Variants in HAPSTR1 observed in about 807,000 individuals in gnomAD.
HAPSTR1 encodes HUWE1-associated protein modifying stress responses 1.
chr16:9,104,551 G>A, the HAPSTR1 span: 2 of 152,208 alleles, frequency 1.3e-5, no homozygotes, highest in African/African-American at 4.8e-5. Flanking sequence ...TAGAGATCTT[G>A]TTCTCTCTGG....
chr16:9,100,994 T>C, the HAPSTR1 span, among the ~76,000 whole-genome samples: 1 of 152,256 alleles, frequency 6.6e-6, no homozygotes, highest in East Asian at 1.9e-4. Flanking sequence ...CAGAAACTTC[T>C]TCATTTACAA....
chr16:9,109,592 C>G, the HAPSTR1 span: 4 of 152,286 alleles, frequency 2.6e-5, no homozygotes, highest in African/African-American at 9.6e-5. Context: ...ATTTCAGACT[C>G]AAAGGCCTCT....
chr16:9,118,321 T>TG, the HAPSTR1 span: 1 of 152,622 alleles, frequency 6.6e-6, no homozygotes, highest in Non-Finnish European at 1.5e-5. Context: ...CCATTGCAAA[T>TG]CAGTGTAAGG....
chr16:9,092,394 GT>G, the HAPSTR1 span: 1 of 882,932 alleles, frequency 1.1e-6, no homozygotes, highest in East Asian at 4.0e-5. Flanking sequence ...ATCCCGGCCG[GT>G]GGCTCCGCGG....
At chr16:9,098,740 G>T in the HAPSTR1 span, among the ~76,000 whole-genome samples, 2 of 152,168 alleles carry the variant, frequency 1.3e-5, no homozygotes, top group Non-Finnish European at 2.9e-5. Context: ...TAAAAATCAC[G>T]TAGTCAGTAG....
chr16:9,107,765 A>G, the HAPSTR1 span: 8 of 152,160 alleles, frequency 5.3e-5, no homozygotes, highest in African/African-American at 1.7e-4. Flanking sequence ...AGGGCTCCCA[A>G]TCTCTGTAGC....
chr16:9,092,328 C>A, the HAPSTR1 span: 2 of 1,299,666 alleles, frequency 1.5e-6, no homozygotes, highest in Non-Finnish European at 2.0e-6. Flanking sequence ...GGCCCGGCCC[C>A]GGCCCTATCG....
chr16:9,106,412 T>G, the HAPSTR1 span: 1 of 151,388 alleles, frequency 6.6e-6, no homozygotes, highest in African/African-American at 2.4e-5. Flanking sequence ...CCCGAGTAGC[T>G]GGGATTGTAG....
chr16:9,103,091 C>T, the HAPSTR1 span: 39 of 1,614,022 alleles, frequency 2.4e-5, no homozygotes, highest in Non-Finnish European at 3.1e-5. Context: ...AAGAACTATT[C>T]GTCGAGAAGA....
chr16:9,098,091 G>T, the HAPSTR1 span, among the ~76,000 whole-genome samples: 1 of 152,202 alleles, frequency 6.6e-6, no homozygotes, highest in Non-Finnish European at 1.5e-5. Flanking sequence ...AGCACTTTGG[G>T]AGGCTGAGGC....
chr16:9,109,408 C>G, the HAPSTR1 span: 1 of 152,234 alleles, frequency 6.6e-6, no homozygotes, highest in African/African-American at 2.4e-5. Flanking sequence ...GCCCCACTTT[C>G]ACTCGTAGCA....
chr16:9,093,088 T>G, the HAPSTR1 span: 4 of 1,298,468 alleles, frequency 3.1e-6, no homozygotes, highest in African/African-American at 1.5e-5. Context: ...TGTTTTCTGC[T>G]CCCCAGCCCA....
At chr16:9,111,992 T>C in the HAPSTR1 span, 2 of 152,200 alleles carry the variant, frequency 1.3e-5, no homozygotes, top group South Asian at 2.1e-4. Context: ...TGGAAAACAT[T>C]TGGGGCTGTC....
At chr16:9,104,489 G>A in the HAPSTR1 span, 7 of 152,150 alleles carry the variant, frequency 4.6e-5, no homozygotes, top group African/African-American at 9.7e-5. Context: ...AGAAATAGTG[G>A]CATATAAAGA....
At chr16:9,096,083 G>C in the HAPSTR1 span, among the ~76,000 whole-genome samples, 2 of 152,156 alleles carry the variant, frequency 1.3e-5, no homozygotes, top group African/African-American at 4.8e-5. Context: ...TCAGATCTTG[G>C]CTCTGTTACT....
the HAPSTR1 span, among the ~76,000 whole-genome samples, chr16:9,094,480 TA>T: frequency 6.6e-6 from 1 of 151,780 alleles, no homozygotes; most frequent in African/African-American, 2.4e-5. Flanking sequence ...TTAGGATATA[TA>T]CTTTGATTTT....
At chr16:9,103,317 C>T in the HAPSTR1 span, 1 of 1,549,988 alleles carries the variant, frequency 6.5e-7, no homozygotes. Context: ...CCTGTGGACC[C>T]ATTTTTCACG....
chr16:9,093,205 A>T, the HAPSTR1 span, among the ~76,000 whole-genome samples: 3 of 152,014 alleles, frequency 2.0e-5, no homozygotes. Flanking sequence ...ACAGATGGCA[A>T]CGCCTGGGGA....
chr16:9,098,633 C>G, the HAPSTR1 span, among the ~76,000 whole-genome samples: 1 of 152,090 alleles, frequency 6.6e-6, no homozygotes, highest in African/African-American at 2.4e-5. Context: ...TCAGGCTGGG[C>G]AACATAGTGA....
Sources: allele counts gnomAD v4.1 joint callset (sites outside exome capture counted in the v4.1 genomes callset), GRCh38; gene constraint gnomAD v4.1.1; transcripts MANE v1.5; gene names NCBI Gene and HGNC (gene_info 2026-07-23, HGNC 2026-07-21).